ABHD5: variants seen among roughly 807,000 people sequenced by gnomAD.
ABHD5 encodes abhydrolase domain containing 5, lysophosphatidic acid acyltransferase.
ABHD5 carries 30 observed loss-of-function variants against 44.9 expected under a neutral mutation model. The observed-to-expected ratio is 0.67, with a 90% CI of 0.50 to 0.91. The LOEUF (loss-of-function observed/expected upper bound fraction) is 0.91. Ranked by LOEUF, ABHD5 falls within the 40% of genes least tolerant of loss-of-function variation. The probability of loss-of-function intolerance (pLI) is 0.00; values close to 1 mark genes in which losing one functional copy is unlikely to be tolerated. For missense variants in ABHD5, 399 were observed against 423.4 expected (o/e 0.94, Z 0.50); for synonymous variants, 167 against 147.0 (o/e 1.14, Z -0.99).
intron 1 of ABHD5, among the ~76,000 whole-genome samples, chr3:43,693,748 CTCTT>C (rs910243863): frequency 3.5e-4 from 31 of 87,818 alleles, no homozygotes; most frequent in South Asian, 1.5e-3. Flanking sequence ...TTAGTTTCTC[CTCTT>C]TTTTTTTTTT....
chr3:43,704,023 T>C lies in ABHD5; in HGVS notation c.506+1436T>C, dbSNP rs574516959. 2.7e-5 allele frequency among the ~76,000 whole-genome samples: 4 copies of C among 147,596 alleles called. No individual in the cohort carries two copies. In the South Asian group the frequency reaches 8.5e-4, roughly 31 times the overall value. On this transcript the variant is annotated intron_variant, in intron 3 of 6. Coordinates refer to ENST00000644371, the MANE Select transcript of ABHD5 (RefSeq NM_016006.6). ...CCTGGTTGGCATTTTGGGGTTACTT[T>C]CTTTATTTTCTTTTTTTTTTTTTTT...
In ABHD5 at chr3:43,702,373, C is replaced by A. The variant is rs1321246806; in HGVS notation, c.292C>A (p.Leu98Ile). The A allele has an allele frequency of 5.0e-6, 8 of 1,614,058 alleles. No homozygotes were observed. The highest frequency in any genetic ancestry group is 6.8e-6 in the Non-Finnish European group (8 of 1,180,040). Reference sequence around the variant, plus strand: ...GCTCTGGGCACTGAATTTTGGAGATCTTTGCACCAACAGACCTGTCTATGC... The same window carrying A: ...GCTCTGGGCACTGAATTTTGGAGATATTTGCACCAACAGACCTGTCTATGC... ...LGLWALNFGD[L>I]CTNRPVYAFD... is the part of the protein sequence containing the mutation. The change falls in exon 3 of 7, where the codon CTT becomes ATT. Residue 98 changes from leucine to isoleucine, a missense_variant. Physicochemically the swap from Leu to Ile is conservative, Grantham distance 5. Transcript: ENST00000644371.
At chr3:43,733,169 G>A (rs1289507517) in intron 7 of ABHD5, among the ~76,000 whole-genome samples, 2 of 152,160 alleles carry the variant, frequency 1.3e-5, no homozygotes, top group East Asian at 3.9e-4. Flanking sequence ...AGGAGCAGAG[G>A]AACTCTCAAG....
intron 7 of ABHD5, among the ~76,000 whole-genome samples, chr3:43,728,090 G>A (rs926711474): frequency 5.3e-5 from 8 of 152,164 alleles, no homozygotes; most frequent in Non-Finnish European, 1.0e-4. Flanking sequence ...AGTGGCTCCA[G>A]AGCTTGCAAC....
chr3:43,728,814 C>T (rs1189817491), intron 7 of ABHD5, among the ~76,000 whole-genome samples: 4 of 152,304 alleles, frequency 2.6e-5, no homozygotes, highest in South Asian at 2.1e-4. Flanking sequence ...CTAGAGTGGA[C>T]ACCAGTGAGC....
chr3:43,706,277 A>G (rs1405954706), intron 3 of ABHD5, among the ~76,000 whole-genome samples: 1 of 152,152 alleles, frequency 6.6e-6, no homozygotes, highest in African/African-American at 2.4e-5. Flanking sequence ...ATCCAGTAGC[A>G]TTTTTATTAT....
chr3:43,702,544 G>C lies in ABHD5; in HGVS notation c.463G>C (p.Gly155Arg). ...AATGATCTTGCTTGGGCACAACCTA[G>C]GTGGATTCTTGGCTGCTGCTTACTC... is the stretch of plus-strand genomic sequence containing the variant. ...DKMILLGHNL[G>R]GFLAAAYSLK... The change falls in exon 3 of 7, where the codon GGT becomes CGT. Residue 155 changes from glycine (G) to arginine (R), a missense_variant. Transcript: ENST00000644371. 1 of 1,614,222 alleles carries C rather than the reference G, an allele frequency of 6.2e-7. No individual in the cohort carries two copies. Among genetic ancestry groups the C allele is most frequent in the Non-Finnish European group, 8.5e-7 (1 of 1,180,044 alleles).
At chr3:43,691,802 C>T (rs771574099) in intron 1 of ABHD5, among the ~76,000 whole-genome samples, 1 of 152,130 alleles carries the variant, frequency 6.6e-6, no homozygotes, top group Admixed American at 6.5e-5. Flanking sequence ...CTCCACTGTC[C>T]CTTATTTGTT....
At chr3:43,698,263 A>G (rs1183421342) in intron 1 of ABHD5, among the ~76,000 whole-genome samples, 1 of 152,188 alleles carries the variant, frequency 6.6e-6, no homozygotes, top group African/African-American at 2.4e-5. Flanking sequence ...TTCCTTTTAA[A>G]TATTCTTTGA....
intron 3 of ABHD5, among the ~76,000 whole-genome samples, chr3:43,705,738 T>G (rs1369444802): frequency 6.6e-6 from 1 of 152,194 alleles, no homozygotes; most frequent in African/African-American, 2.4e-5. Flanking sequence ...GAAGCACTTC[T>G]CTTTAAATGG....
chr3:43,696,320 A>G (rs551751562), intron 1 of ABHD5, among the ~76,000 whole-genome samples: 9 of 152,282 alleles, frequency 5.9e-5, no homozygotes, highest in African/African-American at 2.2e-4. Context: ...CATTGAATCT[A>G]GTTTACTGTT....
Position 43,717,863 on chromosome 3 carries a change from T to C in ABHD5, c.960+6T>C, listed in dbSNP as rs2084787265. On this transcript the variant is annotated splice_donor_region_variant and intron_variant, in intron 6 of 6. Transcript: ENST00000644371. ...ATTCATATGTGAAGACAATAGTAAG[T>C]GTGTGGCTTGATTTGGGTTTTTAGG... is the stretch of plus-strand genomic sequence containing the variant. 7 of 1,614,012 alleles carry C rather than the reference T, an allele frequency of 4.3e-6. No individual in the cohort carries two copies. The highest frequency in any genetic ancestry group is 1.3e-5 in the African/African-American group (1 of 74,926).
intron 7 of ABHD5, among the ~76,000 whole-genome samples, chr3:43,732,442 AAAAC>A (rs765860619): frequency 3.3e-5 from 5 of 152,162 alleles, no homozygotes; most frequent in Admixed American, 6.5e-5. Flanking sequence ...AAAACAAAAC[AAAAC>A]AAACAGAATA....
At chr3:43,730,405 G>A (rs2084905061) in intron 7 of ABHD5, among the ~76,000 whole-genome samples, 2 of 152,002 alleles carry the variant, frequency 1.3e-5, no homozygotes, top group Non-Finnish European at 2.9e-5. Flanking sequence ...AGAGACTTTG[G>A]ACTTCCTGGA....
chr3:43,731,280 A>G (rs6799877), intron 7 of ABHD5, among the ~76,000 whole-genome samples: 133,109 of 152,246 alleles, frequency 0.87, 58,660 homozygotes, highest in Non-Finnish European at 0.93. Flanking sequence ...AAAATTCTAC[A>G]TATTGCCAGA....
In ABHD5 at chr3:43,718,673, AATTCACTCACAC is replaced by A. The variant is rs537463835; in HGVS notation, c.*145_*156del. 5.4e-4 allele frequency: 432 copies of A among 798,206 alleles called. 2 individuals carry two copies. In the African/African-American group the frequency reaches 6.6e-3, roughly 12 times the overall value. The allele number at this position is 798,206 out of a possible 1,614,324, so 49.4% of individuals were successfully genotyped here. A position where few individuals can be genotyped will look rare whatever the true frequency, so the allele number is the denominator to read the frequency against. On this transcript the variant is annotated 3_prime_UTR_variant, in exon 7 of 7. Coordinates refer to ENST00000644371, the MANE Select transcript of ABHD5 (RefSeq NM_016006.6). Reference sequence around the variant, plus strand: ...ATACTTTGCACATGTTTTCTTTAGGAATTCACTCACACATTTAAACCAGTTAGTGCCTTCTAG... The same window carrying A: ...ATACTTTGCACATGTTTTCTTTAGGAATTTAAACCAGTTAGTGCCTTCTAG...
downstream of ABHD5, among the ~76,000 whole-genome samples, chr3:43,723,702 A>T (rs1299527189): frequency 6.6e-6 from 1 of 152,244 alleles, no homozygotes; most frequent in African/African-American, 2.4e-5. Flanking sequence ...GAATGTGGGA[A>T]ATTCCATAGG....
chr3:43,691,429 GC>G (rs2084380520), intron 1 of ABHD5: 1 of 165,142 alleles, frequency 6.1e-6, no homozygotes, highest in African/African-American at 2.4e-5. Context: ...GGCGGGCGGT[GC>G]CCGGTCGACC....
intron 4 of ABHD5, among the ~76,000 whole-genome samples, chr3:43,712,390 T>C (rs1409044690): frequency 1.3e-5 from 2 of 152,182 alleles, no homozygotes; most frequent in Non-Finnish European, 2.9e-5. Context: ...CCACAACATT[T>C]TGGGGACTCC....
Sources: gnomAD v4.1 joint callset for allele counts (sites outside exome capture counted in the v4.1 genomes callset) on GRCh38, gnomAD v4.1.1 for gene constraint, MANE v1.5 for transcripts, NCBI Gene and HGNC (gene_info 2026-07-23, HGNC 2026-07-21) for gene names.